MTRR: variants seen among roughly 807,000 people sequenced by gnomAD.
The protein encoded by MTRR is 5-methyltetrahydrofolate-homocysteine methyltransferase reductase.
In MTRR, 63 loss-of-function variants were observed where a neutral mutation model predicts 79.2. The observed-to-expected ratio is 0.80, with a 90% CI of 0.65 to 0.98. The LOEUF (loss-of-function observed/expected upper bound fraction) is 0.98. MTRR is among the 50% of genes least tolerant of loss of function. The pLI, the probability that MTRR is intolerant of heterozygous loss-of-function variation, is 0.00. For synonymous variants in MTRR, 355 were observed against 313.3 expected, an observed-to-expected ratio of 1.13 and a Z score of -1.41; for missense variants, 895 against 839.6, an observed-to-expected ratio of 1.07 and a Z score of -0.82.
chr5:7,867,891 A>C, upstream of MTRR: 1 of 1,614,100 alleles, frequency 6.2e-7, no homozygotes, highest in Non-Finnish European at 8.5e-7. Context: ...TTCGAATGAA[A>C]CTTTTTACAA....
At position 7,859,586 on chromosome 5, in the gene MTRR, A is replaced by G. The variant is rs772757464; in HGVS notation, n.392-2365A>G. 1.3e-5 allele frequency: 16 copies of G among 1,251,102 alleles called. No homozygotes were observed. The South Asian group carries it at 2.0e-4, about 15-fold the overall frequency. The allele number at this position is 1,251,102 out of a possible 1,614,324, so 77.5% of individuals were successfully genotyped here. A position where few individuals can be genotyped will look rare whatever the true frequency, so the allele number is the denominator to read the frequency against. ...ACTGGTCAAGATCCTTCAAAATCTG[A>G]GGTTCCTCTGGCTATTGGTTACTTT... On this transcript the variant is annotated intron_variant and non_coding_transcript_variant, in intron 1 of 3. Transcript: ENST00000502509.
At chr5:7,873,074 G>A (rs936470618) in intron 2 of MTRR, among the ~76,000 whole-genome samples, 1 of 152,142 alleles carries the variant, frequency 6.6e-6, no homozygotes, top group Non-Finnish European at 1.5e-5. Context: ...CCTGGGATGG[G>A]TACTGTCTGT....
In MTRR at chr5:7,878,076, C is replaced by A. The variant is rs1417585228; in HGVS notation, c.534C>A (p.Asp178Glu). 18 of 1,613,784 alleles carry A rather than the reference C, an allele frequency of 1.1e-5. No homozygotes were observed. Among genetic ancestry groups the A allele is most frequent in the Non-Finnish European group, 1.4e-5 (17 of 1,180,020 alleles). The change falls in exon 5 of 15, where the codon GAC becomes GAA. Residue 178 changes from aspartate (D) to glutamate (E), a missense_variant. Asp to Glu is a conservative substitution (Grantham distance 45). Coordinates refer to ENST00000440940, the MANE Select transcript of MTRR (RefSeq NM_002454.3). ...PVASPASSRT[D>E]LVKSELLHIE... Reference sequence around the variant, plus strand: ...CATCACCTGCATCCTCGAGGACAGACCTTGTGAAGTCAGAGCTGCTACACA... The same window carrying A: ...CATCACCTGCATCCTCGAGGACAGAACTTGTGAAGTCAGAGCTGCTACACA...
At chr5:7,890,356 C>A in intron 9 of MTRR, 1 of 985,408 alleles carries the variant, frequency 1.0e-6, no homozygotes, top group Non-Finnish European at 1.2e-6. Context: ...GGCCCTCTCA[C>A]CCTCTTCAGT....
At chr5:7,879,691 G>A (rs1579673229) in intron 5 of MTRR, among the ~76,000 whole-genome samples, 2 of 152,292 alleles carry the variant, frequency 1.3e-5, no homozygotes, top group South Asian at 4.1e-4. Context: ...AGAGGGGTTG[G>A]AAGCAGGATT....
intron 1 of MTRR, among the ~76,000 whole-genome samples, chr5:7,854,644 G>C (rs187855339): frequency 1.4e-4 from 22 of 152,236 alleles, no homozygotes; most frequent in Admixed American, 2.6e-4. Flanking sequence ...TCCCTACCAC[G>C]AGAATATGGG....
chr5:7,874,258 T>C (rs1748480434), intron 3 of MTRR, among the ~76,000 whole-genome samples: 1 of 152,186 alleles, frequency 6.6e-6, no homozygotes, highest in Admixed American at 6.5e-5. Flanking sequence ...TTGAGGATTA[T>C]TTTTTGGAGA....
intron 1 of MTRR, among the ~76,000 whole-genome samples, chr5:7,857,988 C>G (rs1746302240): frequency 2.0e-5 from 3 of 152,202 alleles, no homozygotes; most frequent in South Asian, 4.1e-4. Context: ...GCATTTATAA[C>G]AGACCGTCAT....
chr5:7,869,221 C>T lies in MTRR; in HGVS notation c.-26+6C>T, dbSNP rs202133025. 2.5e-6 allele frequency: 4 copies of T among 1,605,372 alleles called. No individual in the cohort carries two copies. Among genetic ancestry groups the T allele is most frequent in the Non-Finnish European group, 2.5e-6 (3 of 1,179,708 alleles). On this transcript the variant is annotated splice_donor_region_variant and intron_variant, in intron 1 of 14. Transcript: ENST00000440940. Reference sequence around the variant, plus strand: ...GCCCGGCTGGCGCGGCGTGGGTAAGCTGCCTGTCGGCTACGGTTCCCGGAT... The same window carrying T: ...GCCCGGCTGGCGCGGCGTGGGTAAGTTGCCTGTCGGCTACGGTTCCCGGAT...
At chr5:7,865,981 T>C (rs771708572), upstream of MTRR, 7 of 1,613,266 alleles carry the variant, frequency 4.3e-6, no homozygotes, top group African/African-American at 8.0e-5. Flanking sequence ...TGAGATTCTT[T>C]ACCTGAAACA....
chr5:7,857,634 AG>A (rs1274779230), intron 1 of MTRR, among the ~76,000 whole-genome samples: 3 of 152,204 alleles, frequency 2.0e-5, no homozygotes, highest in Non-Finnish European at 4.4e-5. Context: ...CTGTGTTCCC[AG>A]AGCCTTGACT....
chr5:7,869,378 C>T, intron 1 of MTRR, 163 bp downstream of exon 1: 1 of 746,506 alleles, frequency 1.3e-6, no homozygotes, highest in Non-Finnish European at 2.2e-6. Flanking sequence ...GGGGCTCGGA[C>T]TTGGCCTTTG....
intron 3 of MTRR, among the ~76,000 whole-genome samples, chr5:7,874,873 A>G (rs75696299): frequency 0.03 from 4,503 of 152,296 alleles, 235 homozygotes; most frequent in African/African-American, 0.1. Context: ...TATTTGTCCC[A>G]GAAGCTATGG....
In MTRR at chr5:7,875,214, A is replaced by G. The variant is rs777424734; in HGVS notation, c.284-44A>G. ...ATTTACCTAGTCTTTGTGTCCTTAA[A>G]TTTAAACTTTATTGTGCATTAATTA... On this transcript the variant is annotated intron_variant, in intron 3 of 14. Transcript: ENST00000440940. 14 of 1,323,184 alleles carry G rather than the reference A, an allele frequency of 1.1e-5. No homozygotes were observed. In the South Asian group the frequency reaches 1.4e-4, roughly 13 times the overall value. The allele number at this position is 1,323,184 out of a possible 1,614,324, so 82.0% of individuals were successfully genotyped here.
At chr5:7,859,413 G>A in intron 1 of MTRR, 3 of 1,465,192 alleles carry the variant, frequency 2.0e-6, no homozygotes, top group Non-Finnish European at 2.8e-6. Context: ...TTCTTCCATT[G>A]TTTGAGTTCT....
chr5:7,897,034 T>G, intron 13 of MTRR, 31 bp from the exon 14 acceptor site: 1 of 1,612,996 alleles, frequency 6.2e-7, no homozygotes, highest in South Asian at 1.1e-5. Context: ...CTTGACAACC[T>G]TTTAGTGATC....
chr5:7,892,814 G>C lies in MTRR; in HGVS notation c.1458G>C (p.Lys486Asn). 1.9e-6 allele frequency: 3 copies of C among 1,614,240 alleles called. No individual in the cohort carries two copies. Among genetic ancestry groups the C allele is most frequent in the Non-Finnish European group, 2.5e-6 (3 of 1,180,042 alleles). Residue 486 changes from lysine to asparagine, a missense_variant, in exon 11 of 15, where the codon AAG (lysine) becomes AAC (asparagine). Coordinates refer to ENST00000440940, the MANE Select transcript of MTRR (RefSeq NM_002454.3). ...CTGCCACAACAGAGGTTCTGCGGAA[G>C]GGAGTATGTACAGGCTGGCTGGCCT... is the stretch of plus-strand genomic sequence containing the variant. ...LSTATTEVLR[K>N]GVCTGWLALL...
At chr5:7,884,813 ATTC>A (rs1736147002) in intron 6 of MTRR, among the ~76,000 whole-genome samples, 1 of 152,222 alleles carries the variant, frequency 6.6e-6, no homozygotes, top group African/African-American at 2.4e-5. Context: ...TAAGTGGGTT[ATTC>A]TTTCAGAAAA....
rs961118885 is a variant in MTRR, at chr5:7,889,087, T to C, written c.1147-8T>C. ...GTGTCACAATTTAAGGCGGGCTCCT[T>C]TTTGTAGGCATTTTTGCGAGCCCTT... is the stretch of plus-strand genomic sequence containing the variant. On this transcript the variant is annotated splice_region_variant and splice_polypyrimidine_tract_variant and intron_variant, in intron 8 of 14. Coordinates refer to ENST00000440940, the MANE Select transcript of MTRR (RefSeq NM_002454.3). The C allele has an allele frequency of 5.0e-6, 8 of 1,613,994 alleles. No individual in the cohort carries two copies. The highest frequency in any genetic ancestry group is 1.3e-5 in the African/African-American group (1 of 74,928).
Sources: allele counts gnomAD v4.1 joint callset (sites outside exome capture counted in the v4.1 genomes callset), GRCh38; gene constraint gnomAD v4.1.1; transcripts MANE v1.5; gene names NCBI Gene and HGNC (gene_info 2026-07-23, HGNC 2026-07-21).